MMP26: variants seen among roughly 807,000 people sequenced by gnomAD.
MMP26 encodes matrix metalloproteinase-26.
Under a neutral mutation model 31.0 loss-of-function variants are expected in MMP26, and 33 were observed. The observed-to-expected ratio is 1.06, with a 90% CI of 0.81 to 1.42. The LOEUF (loss-of-function observed/expected upper bound fraction) is 1.42, where lower values mean the gene tolerates loss of function less well. Among genes scored for constraint, MMP26 ranks in the 40% most tolerant of loss-of-function variants. The pLI is 0.00. For synonymous variants in MMP26, 122 were observed against 114.9 expected, an observed-to-expected ratio of 1.06 and a Z score of -0.40; for missense variants, 347 against 316.1, an observed-to-expected ratio of 1.10 and a Z score of -0.74.
At chr11:4,731,583 T>C (rs1296593581) in intron 1 of MMP26, among the ~76,000 whole-genome samples, 2 of 152,224 alleles carry the variant, frequency 1.3e-5, no homozygotes, top group Non-Finnish European at 2.9e-5. Context: ...CTGATGTTTC[T>C]AGACGATAAG....
intron 2 of MMP26, among the ~76,000 whole-genome samples, chr11:4,911,284 G>A (rs1269059479): frequency 6.6e-6 from 1 of 152,112 alleles, no homozygotes; most frequent in African/African-American, 2.4e-5. Flanking sequence ...TGCTTAGGAT[G>A]CTATTTTTCC....
intron 1 of MMP26, among the ~76,000 whole-genome samples, chr11:4,731,107 A>G (rs1848168111): frequency 6.6e-6 from 1 of 151,872 alleles, no homozygotes. Flanking sequence ...ACCACTCCAG[A>G]CTAATTTTGT....
intron 2 of MMP26, among the ~76,000 whole-genome samples, chr11:4,770,182 A>G (rs1216010929): frequency 6.6e-6 from 1 of 152,214 alleles, no homozygotes; most frequent in Non-Finnish European, 1.5e-5. Context: ...ATACATTTTC[A>G]TGATAGTGTC....
chr11:4,881,295 T>C (rs1850458775), intron 2 of MMP26, among the ~76,000 whole-genome samples: 1 of 152,144 alleles, frequency 6.6e-6, no homozygotes, highest in African/African-American at 2.4e-5. Context: ...TCTTTGCCTT[T>C]ATGAGATATC....
chr11:4,710,797 A>C (rs1428654315), intron 1 of MMP26: 1 of 202,350 alleles, frequency 4.9e-6, no homozygotes, highest in African/African-American at 2.3e-5. Context: ...TCATACTTGG[A>C]GTTTAGGAGT....
In MMP26 at chr11:4,907,997, T is replaced by C. The variant is rs748966492; in HGVS notation, c.-144-80071T>C. Reference sequence around the variant, plus strand: ...CATTGCTCTCTGTACTATGCTGGACTTGGCACTGATTGTTTTGTCTTATGT... The same window carrying C: ...CATTGCTCTCTGTACTATGCTGGACCTGGCACTGATTGTTTTGTCTTATGT... On this transcript the variant is annotated intron_variant, in intron 2 of 7. Transcript: ENST00000380390. 3 of 1,614,234 alleles carry C rather than the reference T, an allele frequency of 1.9e-6. No individual in the cohort carries two copies. In the East Asian group the frequency reaches 6.7e-5, roughly 36 times the overall value.
chr11:4,817,258 C>A (rs182002978), intron 2 of MMP26, among the ~76,000 whole-genome samples: 31 of 152,114 alleles, frequency 2.0e-4, no homozygotes, highest in Non-Finnish European at 7.4e-5. Flanking sequence ...GGCATTTGTT[C>A]CTTGCACTCT....
intron 2 of MMP26, chr11:4,914,380 C>A: frequency 9.8e-6 from 2 of 204,730 alleles, no homozygotes; most frequent in Non-Finnish European, 9.9e-6. Context: ...TTCCACAATA[C>A]TCAATTCATG....
chr11:4,987,230 ATATATG>A (rs949675710), intron 2 of MMP26, among the ~76,000 whole-genome samples: 1 of 151,910 alleles, frequency 6.6e-6, no homozygotes, highest in African/African-American at 2.4e-5. Context: ...GCTGTGAGAT[ATATATG>A]TATATGTATC....
intron 2 of MMP26, among the ~76,000 whole-genome samples, chr11:4,939,244 T>C (rs1189602719): frequency 2.0e-5 from 3 of 152,162 alleles, no homozygotes; most frequent in Non-Finnish European, 2.9e-5. Flanking sequence ...GGAAATTAGT[T>C]GTAGCTCCAA....
At chr11:4,960,308 T>G (rs1306470895) in intron 2 of MMP26, among the ~76,000 whole-genome samples, 3 of 147,394 alleles carry the variant, frequency 2.0e-5, no homozygotes, top group African/African-American at 7.5e-5. Context: ...CAAAAATGCC[T>G]GTGTGCTATG....
chr11:4,895,682 G>C (rs1354448408), intron 2 of MMP26, among the ~76,000 whole-genome samples: 1 of 152,184 alleles, frequency 6.6e-6, no homozygotes, highest in Non-Finnish European at 1.5e-5. Flanking sequence ...CCAGCCCTTT[G>C]GTAGCACAAG....
intron 2 of MMP26, among the ~76,000 whole-genome samples, chr11:4,813,094 A>G (rs1190935659): frequency 6.6e-6 from 1 of 151,928 alleles, no homozygotes; most frequent in East Asian, 1.9e-4. Context: ...AAACTTCGCT[A>G]TCTGGGTTCA....
rs915892189 is a variant in MMP26, at chr11:4,815,771, G to A, written c.-145+48430G>A. Among the ~76,000 whole-genome samples, 7 of 152,250 alleles carry A rather than the reference G, an allele frequency of 4.6e-5. No individual in the cohort carries two copies. In the South Asian group the frequency reaches 6.2e-4, roughly 14 times the overall value. ...AATAATCCCAGGAATACAACAATCCGACATGCCTCAAGAAATGCAGAACAT... is the reference window on the plus strand; with the variant it reads ...AATAATCCCAGGAATACAACAATCCAACATGCCTCAAGAAATGCAGAACAT... On this transcript the variant is annotated intron_variant, in intron 2 of 7. Transcript: ENST00000380390.
At chr11:4,804,277 C>G (rs534928353) in intron 2 of MMP26, 1 of 1,613,924 alleles carries the variant, frequency 6.2e-7, no homozygotes, top group African/African-American at 1.3e-5. Context: ...ATACGTGGCA[C>G]AGAACGGAAA....
intron 2 of MMP26, among the ~76,000 whole-genome samples, chr11:4,785,662 C>G (rs1428453556): frequency 6.6e-6 from 1 of 152,054 alleles, no homozygotes; most frequent in Non-Finnish European, 1.5e-5. Context: ...AACCTTCAGC[C>G]CAAATATTTT....
chr11:4,967,438 GC>G lies in MMP26; in HGVS notation c.-144-20628del, dbSNP rs527694575. On this transcript the variant is annotated intron_variant, in intron 2 of 7. Transcript: ENST00000380390. ...ATTTGATTTTAAATATTCTTTCAAG[GC>G]CAAGAAGCCAAGCCAAGAACTTACC... Among the ~76,000 whole-genome samples, 23 of 152,166 alleles carry G rather than the reference GC, an allele frequency of 1.5e-4. No homozygotes were observed. The South Asian group carries it at 4.2e-3, about 27-fold the overall frequency.
intron 2 of MMP26, among the ~76,000 whole-genome samples, chr11:4,818,545 C>A (rs1463512954): frequency 1.3e-5 from 2 of 151,846 alleles, no homozygotes; most frequent in Non-Finnish European, 2.9e-5. Flanking sequence ...TTAACTCATT[C>A]ATTTGTGCCT....
chr11:4,729,765 T>C (rs1848148633), intron 1 of MMP26, among the ~76,000 whole-genome samples: 1 of 152,038 alleles, frequency 6.6e-6, no homozygotes, highest in African/African-American at 2.4e-5. Flanking sequence ...CTTTTCTCTG[T>C]CAAAAGTGCA....
Sources: allele counts gnomAD v4.1 joint callset (sites outside exome capture counted in the v4.1 genomes callset), GRCh38; gene constraint gnomAD v4.1.1; transcripts MANE v1.5; gene names NCBI Gene and HGNC (gene_info 2026-07-23, HGNC 2026-07-21).